The following PARD3B variants were observed in gnomAD, a reference collection of about 807,000 sequenced individuals.
PARD3B encodes the protein partitioning defective 3 homolog B.
PARD3B carries 103 observed loss-of-function variants against 130.2 expected under a neutral mutation model. That is an observed-to-expected ratio of 0.79 (90% CI 0.67 to 0.93). The LOEUF (loss-of-function observed/expected upper bound fraction) is 0.93. Among genes scored for constraint, PARD3B ranks in the 40% least tolerant of loss-of-function variants. The pLI is 0.00. For synonymous variants in PARD3B, 583 were observed against 553.2 expected (o/e 1.05, Z -0.76); for missense variants, 1,609 against 1,499.2 (o/e 1.07, Z -1.21).
intron 18 of PARD3B, among the ~76,000 whole-genome samples, chr2:205,305,131 A>G (rs2105916610): frequency 6.6e-6 from 1 of 152,298 alleles, no homozygotes; most frequent in East Asian, 1.9e-4. Flanking sequence ...AACAAGGAAC[A>G]AAAAAAGGAT....
intron 18 of PARD3B, among the ~76,000 whole-genome samples, chr2:205,384,916 T>A (rs1246909864): frequency 5.3e-5 from 8 of 152,100 alleles, no homozygotes; most frequent in Non-Finnish European, 2.9e-5. Context: ...TTCTGGGAGA[T>A]CTTCCTTTGA....
intron 19 of PARD3B, among the ~76,000 whole-genome samples, chr2:205,418,499 A>G (rs775588063): frequency 9.2e-5 from 14 of 152,146 alleles, no homozygotes; most frequent in Admixed American, 2.0e-4. Context: ...GGGGGTTTAA[A>G]AATGCTATAT....
Position 204,801,563 on chromosome 2 carries a change from G to A in PARD3B, c.222+115281G>A, listed in dbSNP as rs560254943. Among the ~76,000 whole-genome samples, 7 of 152,290 alleles carry A rather than the reference G, an allele frequency of 4.6e-5. No individual in the cohort carries two copies. In the South Asian group the frequency reaches 1.2e-3, roughly 27 times the overall value. On this transcript the variant is annotated intron_variant, in intron 2 of 22. Coordinates refer to ENST00000406610, the MANE Select transcript of PARD3B (RefSeq NM_001302769.2). ...TCTTGCACATTGATTTTTGTATCCT[G>A]ATACTTTGCTGAAGGTGCTTATCAA...
At chr2:205,155,060 TC>T (rs552520584) in intron 10 of PARD3B, among the ~76,000 whole-genome samples, 1,343 of 71,120 alleles carry the variant, frequency 0.019, 16 homozygotes, top group African/African-American at 0.051. Flanking sequence ...AAATTTCATT[TC>T]AAAAAAAAAA....
At chr2:205,500,293 G>A (rs1370859742) in intron 21 of PARD3B, among the ~76,000 whole-genome samples, 1 of 152,168 alleles carries the variant, frequency 6.6e-6, no homozygotes, top group Non-Finnish European at 1.5e-5. Context: ...GGAAGCAGAA[G>A]TTAGCTACTT....
rs2040397583 is a variant in PARD3B, at chr2:205,263,580, G to T, written c.2185+17758G>T. Among the ~76,000 whole-genome samples, 1 of 150,940 alleles carries T rather than the reference G, an allele frequency of 6.6e-6. No homozygotes were observed. Among genetic ancestry groups the T allele is most frequent in the African/African-American group, 2.4e-5 (1 of 41,050 alleles). ...ACCATATAAGAAGCTAATCTGACAT[G>T]GTTCACAGATCTTAAATGTGAGCAC... On this transcript the variant is annotated intron_variant, in intron 16 of 22. Transcript: ENST00000406610. This position sits in a 1 kb window ranked among gnomAD's most constrained non-coding sequence, Gnocchi z 4.0.
At chr2:204,876,005 G>C (rs56805920) in intron 2 of PARD3B, among the ~76,000 whole-genome samples, 39 of 152,234 alleles carry the variant, frequency 2.6e-4, no homozygotes, top group African/African-American at 8.7e-4. Flanking sequence ...TGGCTTCTCC[G>C]AAAGCCTTTT....
At chr2:204,738,398 C>T (rs2039850837) in intron 2 of PARD3B, among the ~76,000 whole-genome samples, 1 of 152,142 alleles carries the variant, frequency 6.6e-6, no homozygotes, top group Non-Finnish European at 1.5e-5. Flanking sequence ...AACAGTGCTA[C>T]ATTTTTGTGT....
intron 20 of PARD3B, among the ~76,000 whole-genome samples, chr2:205,498,840 T>A (rs1353707124): frequency 1.3e-5 from 2 of 152,186 alleles, no homozygotes; most frequent in Non-Finnish European, 2.9e-5. Context: ...GGCCCTGCTC[T>A]CACCTTGTCA....
chr2:205,279,926 CA>C (rs2041124290), intron 16 of PARD3B, among the ~76,000 whole-genome samples: 1 of 152,064 alleles, frequency 6.6e-6, no homozygotes, highest in Non-Finnish European at 1.5e-5. Context: ...CCTGAAGCTA[CA>C]AAAAATAAGT....
chr2:205,058,600 T>G (rs1699877709), intron 4 of PARD3B, among the ~76,000 whole-genome samples: 1 of 151,944 alleles, frequency 6.6e-6, no homozygotes, highest in African/African-American at 2.4e-5. Flanking sequence ...TTGCCAACAC[T>G]TGTTGGTTTC....
intron 1 of PARD3B, among the ~76,000 whole-genome samples, chr2:204,662,122 G>A (rs985005618): frequency 3.3e-5 from 5 of 152,268 alleles, no homozygotes; most frequent in African/African-American, 1.2e-4. Flanking sequence ...TTATCCACAC[G>A]TGATTTTGTA....
intron 11 of PARD3B, among the ~76,000 whole-genome samples, chr2:205,164,767 C>T (rs527848109): frequency 6.6e-6 from 1 of 150,918 alleles, no homozygotes; most frequent in Non-Finnish European, 1.5e-5. Context: ...AGTAACTTTC[C>T]CCTGAAAAGC....
intron 2 of PARD3B, among the ~76,000 whole-genome samples, chr2:204,877,492 G>A (rs2045890071): frequency 6.6e-6 from 1 of 152,168 alleles, no homozygotes; most frequent in African/African-American, 2.4e-5. Context: ...ATGTGTGCCT[G>A]ACTGCCAGAC....
chr2:205,360,906 G>A (rs999456945), intron 18 of PARD3B, among the ~76,000 whole-genome samples: 3 of 152,064 alleles, frequency 2.0e-5, no homozygotes, highest in African/African-American at 4.8e-5. Flanking sequence ...AGTCTCATTG[G>A]TGTCTTTATT....
chr2:205,290,561 A>G (rs2041570315), intron 16 of PARD3B, among the ~76,000 whole-genome samples: 1 of 152,230 alleles, frequency 6.6e-6, no homozygotes. Flanking sequence ...CAGGAATGTG[A>G]AGGGAAATCA....
rs371691034 is a variant in PARD3B, at chr2:204,858,644, C to T, written c.223-106508C>T. 8.9e-4 allele frequency among the ~76,000 whole-genome samples: 134 copies of T among 150,922 alleles called. 2 individuals carry two copies. In the South Asian group the frequency reaches 0.016, roughly 19 times the overall value. ...TAGTGTATTGTATTTACGATTTTTG[C>T]TAAATGAATAGATTATAGCTGTTCT... is the stretch of plus-strand genomic sequence containing the variant. On this transcript the variant is annotated intron_variant, in intron 2 of 22. Coordinates refer to ENST00000406610, the MANE Select transcript of PARD3B (RefSeq NM_001302769.2).
At chr2:205,084,280 A>G (rs1701611973) in intron 4 of PARD3B, among the ~76,000 whole-genome samples, 5 of 152,108 alleles carry the variant, frequency 3.3e-5, no homozygotes, top group Non-Finnish European at 5.9e-5. Context: ...GAATTAGCAG[A>G]TTGCTGCCTT....
chr2:205,058,366 C>A (rs1039779191), intron 4 of PARD3B, among the ~76,000 whole-genome samples: 1 of 151,986 alleles, frequency 6.6e-6, no homozygotes, highest in Non-Finnish European at 1.5e-5. Context: ...GTTGCTTCCA[C>A]ATTTTACCTA....
Sources: gnomAD v4.1 joint callset for allele counts (sites outside exome capture counted in the v4.1 genomes callset) on GRCh38, gnomAD v4.1.1 for gene constraint, Gnocchi (gnomAD v3.1) non-coding constraint, MANE v1.5 for transcripts, NCBI Gene and HGNC (gene_info 2026-07-23, HGNC 2026-07-21) for gene names.